FGF14: variants seen among roughly 807,000 people sequenced by gnomAD.
FGF14 encodes fibroblast growth factor 14, also known as fibroblast growth factor homologous factor 4.
In FGF14, 5 loss-of-function variants were observed where a neutral mutation model predicts 25.5. The observed-to-expected ratio is 0.20, with a 90% CI of 0.10 to 0.41. The LOEUF is 0.41. Among genes scored for constraint, FGF14 ranks in the 10% least tolerant of loss-of-function variants. The probability of loss-of-function intolerance (pLI) is 1.00; values close to 1 mark genes in which losing one functional copy is unlikely to be tolerated. For missense variants in FGF14, 222 were observed against 320.1 expected (o/e 0.69, Z 2.34); for synonymous variants, 138 against 118.3 (o/e 1.17, Z -1.08).
In FGF14 at chr13:102,401,537, T is replaced by A. The variant is rs756852215; in HGVS notation, c.142A>T (p.Ser48Cys). 1.4e-5 allele frequency: 23 copies of A among 1,614,068 alleles called. No individual in the cohort carries two copies. Among genetic ancestry groups the A allele is most frequent in the Non-Finnish European group, 1.9e-5 (22 of 1,180,044 alleles). Reference sequence around the variant, plus strand: ...CACTGCAGCATATGCGTTCCTTTGCTGAAAATGTTCCAAAGAAACCACATT... The same window carrying A: ...CACTGCAGCATATGCGTTCCTTTGCAGAAAATGTTCCAAAGAAACCACATT... The change falls in exon 1 of 5, where the codon AGC becomes TGC. Residue 48 changes from serine (S) to cysteine (C), a missense_variant. Coordinates refer to the FGF14 transcript ENST00000376131.
chr13:102,127,710 G>A (rs1403306080), intron 1 of FGF14, among the ~76,000 whole-genome samples: 1 of 152,172 alleles, frequency 6.6e-6, no homozygotes, highest in African/African-American at 2.4e-5. Context: ...TTCCTTCTAG[G>A]AAAGGCAAAA....
chr13:101,866,846 T>C (rs974419883), intron 3 of FGF14, among the ~76,000 whole-genome samples: 1 of 152,172 alleles, frequency 6.6e-6, no homozygotes, highest in African/African-American at 2.4e-5. Context: ...TGGCCTGGCC[T>C]AGGCACAGGA....
intron 1 of FGF14, among the ~76,000 whole-genome samples, chr13:102,073,188 G>T (rs1349156708): frequency 6.6e-6 from 1 of 152,164 alleles, no homozygotes; most frequent in Non-Finnish European, 1.5e-5. Flanking sequence ...GGAGGCAGGG[G>T]TTGCAATGAG....
chr13:102,200,172 T>C (rs1472009157), intron 1 of FGF14, among the ~76,000 whole-genome samples: 2 of 152,156 alleles, frequency 1.3e-5, no homozygotes, highest in African/African-American at 4.8e-5. Flanking sequence ...CAAATATATG[T>C]ATATATTTAT....
At chr13:101,743,126 T>C (rs938106637) in intron 3 of FGF14, among the ~76,000 whole-genome samples, 1 of 152,200 alleles carries the variant, frequency 6.6e-6, no homozygotes, top group Non-Finnish European at 1.5e-5. Flanking sequence ...CCCTAAAATG[T>C]ATAAAACCAA....
At chr13:102,148,229 T>C (rs865792596) in intron 1 of FGF14, among the ~76,000 whole-genome samples, 2 of 152,178 alleles carry the variant, frequency 1.3e-5, no homozygotes, top group African/African-American at 4.8e-5. Context: ...AAAAGTCATT[T>C]TGAAACTCCA....
intron 3 of FGF14, among the ~76,000 whole-genome samples, chr13:101,774,830 A>T (rs1594202443): frequency 6.6e-6 from 1 of 152,198 alleles, no homozygotes; most frequent in African/African-American, 2.4e-5. Context: ...AGGCAGGAGG[A>T]TCACATGAGG....
At chr13:101,847,730 T>C (rs2043539167) in intron 3 of FGF14, among the ~76,000 whole-genome samples, 2 of 152,088 alleles carry the variant, frequency 1.3e-5, no homozygotes, top group Admixed American at 6.6e-5. Context: ...AAGAATATCA[T>C]AGGCTTTGCC....
chr13:102,066,717 TCTAA>T (rs1253651401), intron 1 of FGF14, among the ~76,000 whole-genome samples: 2 of 152,208 alleles, frequency 1.3e-5, no homozygotes, highest in South Asian at 2.1e-4. Context: ...ACGGTCTTTC[TCTAA>T]CTAAGTGATA....
intron 1 of FGF14, among the ~76,000 whole-genome samples, chr13:102,353,073 T>A (rs959484225): frequency 1.3e-5 from 2 of 152,016 alleles, no homozygotes; most frequent in African/African-American, 4.8e-5. Context: ...ATAATTGGAG[T>A]CCAGTGTCAA....
At chr13:102,347,348 G>A (rs746306941) in intron 1 of FGF14, among the ~76,000 whole-genome samples, 12 of 152,142 alleles carry the variant, frequency 7.9e-5, no homozygotes, top group Non-Finnish European at 1.3e-4. Context: ...ACCGTAGAAA[G>A]TGTCCTAAAG....
At chr13:102,167,532 C>T (rs1475160164) in intron 1 of FGF14, among the ~76,000 whole-genome samples, 1 of 151,202 alleles carries the variant, frequency 6.6e-6, no homozygotes, top group Non-Finnish European at 1.5e-5. Flanking sequence ...TAATAGTTTA[C>T]TTAAAAAAAA....
chr13:102,389,567 T>C (rs1222463661), intron 1 of FGF14, among the ~76,000 whole-genome samples: 1 of 152,184 alleles, frequency 6.6e-6, no homozygotes, highest in Non-Finnish European at 1.5e-5. Context: ...ACAAACCACC[T>C]TGTCATCTAG....
chr13:102,046,711 A>G (rs1542409), intron 1 of FGF14, among the ~76,000 whole-genome samples: 71,838 of 152,084 alleles, frequency 0.47, 17,654 homozygotes, highest in East Asian at 0.73. Context: ...TCACATCTTC[A>G]GAAAATTGTT....
chr13:101,891,250 C>T (rs2046252899), intron 1 of FGF14, among the ~76,000 whole-genome samples: 1 of 152,130 alleles, frequency 6.6e-6, no homozygotes. Context: ...TACCTTGCTC[C>T]AAATGCCTGG....
intron 1 of FGF14, among the ~76,000 whole-genome samples, chr13:102,124,672 G>A (rs2045877643): frequency 6.6e-6 from 1 of 152,054 alleles, no homozygotes. Flanking sequence ...TCATCCAGGA[G>A]CAGGAGGGCC....
At chr13:101,801,982 T>G (rs1274302493) in intron 3 of FGF14, 67 of 474,042 alleles carry the variant, frequency 1.4e-4, no homozygotes, top group Non-Finnish European at 2.5e-4. Flanking sequence ...CAGAGGTCCC[T>G]GTCAATTTAG....
intron 1 of FGF14, among the ~76,000 whole-genome samples, chr13:101,947,770 C>A (rs1239868849): frequency 6.6e-6 from 1 of 152,142 alleles, no homozygotes; most frequent in East Asian, 1.9e-4. Context: ...ATACCCCAAA[C>A]CTCAGCATCA....
intron 1 of FGF14, among the ~76,000 whole-genome samples, chr13:101,887,050 C>T (rs1040957897): frequency 6.6e-6 from 1 of 151,758 alleles, no homozygotes; most frequent in African/African-American, 2.4e-5. Context: ...TAACATATGC[C>T]GGGGAGGATG....
Sources: gnomAD v4.1 joint callset for allele counts (sites outside exome capture counted in the v4.1 genomes callset) on GRCh38, gnomAD v4.1.1 for gene constraint, MANE v1.5 for transcripts, NCBI Gene and HGNC (gene_info 2026-07-23, HGNC 2026-07-21) for gene names.